CFDP1: variants seen among roughly 807,000 people sequenced by gnomAD.
CFDP1 encodes the protein heterochromatin-stabilizing protein CFDP1.
CFDP1 carries 31 observed loss-of-function variants against 40.1 expected under a neutral mutation model. That is an observed-to-expected ratio of 0.77 (90% CI 0.58 to 1.04). The LOEUF is 1.04. Among genes scored for constraint, CFDP1 ranks in the 50% least tolerant of loss-of-function variants. The pLI is 0.00. For missense variants in CFDP1, 423 were observed against 343.4 expected (o/e 1.23, Z -1.83); for synonymous variants, 167 against 120.0 (o/e 1.39, Z -2.56).
intron 1 of CFDP1, among the ~76,000 whole-genome samples, chr16:75,430,986 G>A (rs576651659): frequency 6.6e-6 from 1 of 152,196 alleles, no homozygotes; most frequent in African/African-American, 2.4e-5. Context: ...GATGGTTGGG[G>A]GCGCCTTAGA....
At chr16:75,410,526 C>T (rs549404371) in intron 4 of CFDP1, among the ~76,000 whole-genome samples, 162 of 152,062 alleles carry the variant, frequency 1.1e-3, no homozygotes, top group Non-Finnish European at 1.9e-3. Context: ...GTAATCTCAG[C>T]ACTTTGTGAG....
chr16:75,337,063 G>A (rs1409147897), intron 5 of CFDP1, among the ~76,000 whole-genome samples: 2 of 152,088 alleles, frequency 1.3e-5, no homozygotes, highest in Non-Finnish European at 2.9e-5. Context: ...TCTCTGCCAT[G>A]CACAAGTTTT....
chr16:75,338,696 A>T (rs890891203), intron 5 of CFDP1, among the ~76,000 whole-genome samples: 1 of 152,112 alleles, frequency 6.6e-6, no homozygotes, highest in Admixed American at 6.5e-5. Flanking sequence ...TCTGGACAAC[A>T]TCCCTTGATA....
intron 1 of CFDP1, 130 bp from the exon 2 acceptor site, chr16:75,414,825 A>C (rs1240640630): frequency 1.6e-6 from 1 of 635,530 alleles, no homozygotes; most frequent in Non-Finnish European, 2.7e-6. Flanking sequence ...CCTACTCTTC[A>C]CCTAACGAAA....
At chr16:75,348,568 TG>T (rs539600830) in intron 5 of CFDP1, among the ~76,000 whole-genome samples, 76 of 152,294 alleles carry the variant, frequency 5.0e-4, no homozygotes, top group Middle Eastern at 3.4e-3. Context: ...GACCATAAGT[TG>T]TTTTTTTCTT....
intron 5 of CFDP1, among the ~76,000 whole-genome samples, chr16:75,390,740 G>A (rs2078941629): frequency 6.6e-6 from 1 of 152,216 alleles, no homozygotes; most frequent in African/African-American, 2.4e-5. Flanking sequence ...CCCTCTGGGG[G>A]AAGTCCATCA....
In CFDP1 at chr16:75,433,370, C is replaced by T; in HGVS notation, c.-18G>A. 4 of 1,580,856 alleles carry T rather than the reference C, an allele frequency of 2.5e-6. No individual in the cohort carries two copies. Among genetic ancestry groups the T allele is most frequent in the Non-Finnish European group, 2.6e-6 (3 of 1,163,420 alleles). On this transcript the variant is annotated 5_prime_UTR_variant, in exon 1 of 7. Coordinates refer to ENST00000283882, the MANE Select transcript of CFDP1 (RefSeq NM_006324.3). ...TCCTCCATGTTGCTGCCGCTCGACG[C>T]TGGTCAAACTCACAAGACCGCAGCA...
intron 5 of CFDP1, among the ~76,000 whole-genome samples, chr16:75,390,642 T>A (rs2078940494): frequency 6.6e-6 from 1 of 152,248 alleles, no homozygotes; most frequent in Non-Finnish European, 1.5e-5. Flanking sequence ...TGTCAGAATA[T>A]TCTTTAATAA....
At chr16:75,294,316 A>G (rs564266604) in intron 6 of CFDP1, among the ~76,000 whole-genome samples, 4 of 152,342 alleles carry the variant, frequency 2.6e-5, no homozygotes, top group African/African-American at 9.6e-5. Flanking sequence ...AGGGCAGAAG[A>G]AAGAATACCG....
At chr16:75,355,769 C>G (rs911934057) in intron 5 of CFDP1, among the ~76,000 whole-genome samples, 2 of 152,318 alleles carry the variant, frequency 1.3e-5, no homozygotes, top group East Asian at 1.9e-4. Context: ...TGCTTGCACT[C>G]ATTCTCTCTC....
chr16:75,310,656 C>T (rs924069960), intron 5 of CFDP1, among the ~76,000 whole-genome samples: 1 of 152,112 alleles, frequency 6.6e-6, no homozygotes, highest in Admixed American at 6.6e-5. Flanking sequence ...TTGGATTTGT[C>T]CAACCGATTT....
intron 1 of CFDP1, among the ~76,000 whole-genome samples, chr16:75,417,413 T>C (rs1335398637): frequency 6.6e-6 from 1 of 152,128 alleles, no homozygotes; most frequent in Non-Finnish European, 1.5e-5. Flanking sequence ...GTAAAATTTC[T>C]ATGTATTTAC....
At chr16:75,336,134 G>C (rs991916727) in intron 5 of CFDP1, among the ~76,000 whole-genome samples, 3 of 152,134 alleles carry the variant, frequency 2.0e-5, no homozygotes, top group Non-Finnish European at 4.4e-5. Context: ...TATCACTTAG[G>C]ATTTTAGTTG....
chr16:75,347,610 C>T (rs984391536), intron 5 of CFDP1, among the ~76,000 whole-genome samples: 14 of 151,930 alleles, frequency 9.2e-5, no homozygotes, highest in African/African-American at 2.2e-4. Context: ...ACCCGGGAGG[C>T]GGAGGTTGCA....
chr16:75,432,111 C>T (rs529456536), intron 1 of CFDP1, among the ~76,000 whole-genome samples: 10 of 151,240 alleles, frequency 6.6e-5, no homozygotes, highest in African/African-American at 2.4e-4. Context: ...GGGGTTTTAC[C>T]ATGTTGTCCA....
chr16:75,413,609 T>A (rs904279370), intron 2 of CFDP1, among the ~76,000 whole-genome samples: 1 of 150,792 alleles, frequency 6.6e-6, no homozygotes, highest in Non-Finnish European at 1.5e-5. Context: ...CCAAGACTTA[T>A]AAGAGTATAT....
chr16:75,341,180 C>T (rs2078524179), intron 5 of CFDP1, among the ~76,000 whole-genome samples: 1 of 152,130 alleles, frequency 6.6e-6, no homozygotes, highest in Non-Finnish European at 1.5e-5. Context: ...CCTGACAAGG[C>T]ACCAGTTTTT....
chr16:75,416,091 A>T (rs1218429101), intron 1 of CFDP1, among the ~76,000 whole-genome samples: 1 of 152,084 alleles, frequency 6.6e-6, no homozygotes, highest in Non-Finnish European at 1.5e-5. Context: ...ACCTCAGGTG[A>T]TCCAGCCGCC....
At chr16:75,358,559 C>G (rs951925362) in intron 5 of CFDP1, among the ~76,000 whole-genome samples, 2 of 151,610 alleles carry the variant, frequency 1.3e-5, no homozygotes, top group Non-Finnish European at 2.9e-5. Flanking sequence ...GCACTTCTGC[C>G]AAGAGTGGGA....
Sources: allele counts gnomAD v4.1 joint callset (sites outside exome capture counted in the v4.1 genomes callset), GRCh38; gene constraint gnomAD v4.1.1; transcripts MANE v1.5; gene names NCBI Gene and HGNC (gene_info 2026-07-23, HGNC 2026-07-21).